Variants in OTUD7A observed in about 807,000 individuals in gnomAD.
OTUD7A encodes the protein OTU deubiquitinase 7A.
OTUD7A carries 12 observed loss-of-function variants against 65.7 expected under a neutral mutation model. That is an observed-to-expected ratio of 0.18 (90% CI 0.12 to 0.30). OTUD7A has a LOEUF of 0.30. OTUD7A is among the 10% of genes least tolerant of loss of function. The pLI is 1.00. For synonymous variants in OTUD7A, 641 were observed against 586.3 expected (o/e 1.09, Z -1.35); for missense variants, 1,148 against 1,304.8 (o/e 0.88, Z 1.85).
Position 31,567,559 on chromosome 15 carries a change from T to C in OTUD7A, c.331+2459A>G, listed in dbSNP as rs565242288. 1.6e-3 allele frequency among the ~76,000 whole-genome samples: 251 copies of C among 152,328 alleles called. 3 individuals carry two copies. Among genetic ancestry groups the C allele is most frequent in the African/African-American group, 5.8e-3 (242 of 41,578 alleles). On this transcript the variant is annotated intron_variant, in intron 4 of 12. Coordinates refer to ENST00000307050, the MANE Select transcript of OTUD7A (RefSeq NM_001382637.1). Reference sequence around the variant, plus strand: ...CTTTTTCAGAAGAATTCAAGCAGCCTGAGGAGCAACTACTTGCTAGAGATA... The same window carrying C: ...CTTTTTCAGAAGAATTCAAGCAGCCCGAGGAGCAACTACTTGCTAGAGATA...
At chr15:31,573,395 G>A (rs1566926480) in intron 3 of OTUD7A, among the ~76,000 whole-genome samples, 1 of 152,202 alleles carries the variant, frequency 6.6e-6, no homozygotes, top group African/African-American at 2.4e-5. Context: ...AGATGAATAA[G>A]AGTCTGGCAA....
intron 1 of OTUD7A, among the ~76,000 whole-genome samples, chr15:31,868,479 G>C (rs1051347467): frequency 6.6e-6 from 1 of 152,196 alleles, no homozygotes; most frequent in Non-Finnish European, 1.5e-5. Flanking sequence ...TACTATTGAG[G>C]ACATGTTGTA....
rs1232537920 is a variant in OTUD7A at position 31,481,740 on chromosome 15, C to T, written c.*1554G>A. 6.6e-6 allele frequency: 1 copy of T among 151,720 alleles called. No individual in the cohort carries two copies. The highest frequency in any genetic ancestry group is 1.5e-5 in the Non-Finnish European group (1 of 67,936). 9.4% of individuals were successfully genotyped at this position (151,720 alleles called of 1,614,324 possible). ...CTCAAACAAGTAAAAAAAATCCCCT[C>T]GCCCCCCCTTTTTTTTTGTTTTTGC... On this transcript the variant is annotated 3_prime_UTR_variant, in exon 13 of 13. Transcript: ENST00000307050.
intron 3 of OTUD7A, among the ~76,000 whole-genome samples, chr15:31,635,548 A>G (rs770440455): frequency 1.4e-4 from 21 of 152,212 alleles, no homozygotes; most frequent in African/African-American, 1.9e-4. Flanking sequence ...TGAGGATGGC[A>G]CCTGGTGCTT....
chr15:31,774,926 A>T, intron 1 of OTUD7A, among the ~76,000 whole-genome samples: 1 of 150,778 alleles, frequency 6.6e-6, no homozygotes, highest in East Asian at 2.0e-4. Context: ...CTCATCAGGC[A>T]AGGACGACCC....
chr15:31,860,974 C>T (rs1048929900), intron 1 of OTUD7A, among the ~76,000 whole-genome samples: 1 of 150,542 alleles, frequency 6.6e-6, no homozygotes, highest in African/African-American at 2.4e-5. Context: ...CTGCCTCAGC[C>T]TCCCAAAGTG....
At chr15:31,532,878 G>A (rs1261248145) in intron 5 of OTUD7A, among the ~76,000 whole-genome samples, 1 of 150,052 alleles carries the variant, frequency 6.7e-6, no homozygotes, top group East Asian at 2.0e-4. Flanking sequence ...AGCTTGTAGG[G>A]AGCCGAAATC....
At chr15:31,590,551 T>C (rs8035863) in intron 3 of OTUD7A, among the ~76,000 whole-genome samples, 48,726 of 152,152 alleles carry the variant, frequency 0.32, 10,026 homozygotes, top group African/African-American at 0.59. Context: ...CAGGCATTAA[T>C]TCATTGTTGA....
chr15:31,774,009 A>G (rs1365237732), intron 1 of OTUD7A, among the ~76,000 whole-genome samples: 1 of 152,242 alleles, frequency 6.6e-6, no homozygotes, highest in Non-Finnish European at 1.5e-5. Context: ...AATGAAGCTA[A>G]TGGCACAGTG....
At chr15:31,693,055 T>C (rs1385635478) in intron 1 of OTUD7A, among the ~76,000 whole-genome samples, 3 of 152,102 alleles carry the variant, frequency 2.0e-5, no homozygotes, top group Non-Finnish European at 4.4e-5. Flanking sequence ...GATCACTCGG[T>C]CTGTCTCTCA....
At chr15:31,544,173 T>C (rs1224493370) in intron 5 of OTUD7A, among the ~76,000 whole-genome samples, 2 of 151,444 alleles carry the variant, frequency 1.3e-5, no homozygotes, top group Non-Finnish European at 3.0e-5. Context: ...AATCAGAAAA[T>C]ATTTTGAAAC....
chr15:31,591,051 G>C (rs1889707527), intron 3 of OTUD7A, among the ~76,000 whole-genome samples: 1 of 152,140 alleles, frequency 6.6e-6, no homozygotes, highest in African/African-American at 2.4e-5. Flanking sequence ...AGAGGAGCCA[G>C]GGGGTCTGCA....
At chr15:31,615,973 T>A (rs938315874) in intron 3 of OTUD7A, among the ~76,000 whole-genome samples, 1 of 152,244 alleles carries the variant, frequency 6.6e-6, no homozygotes, top group Non-Finnish European at 1.5e-5. Flanking sequence ...AAGGCAGTCA[T>A]CAGACAGCTC....
intron 3 of OTUD7A, among the ~76,000 whole-genome samples, chr15:31,616,024 C>T (rs536267418): frequency 3.9e-5 from 6 of 152,362 alleles, no homozygotes; most frequent in African/African-American, 1.2e-4. Context: ...GGCCTTTCTT[C>T]TCCCACCCCC....
At position 31,701,664 on chromosome 15, in the gene OTUD7A, A is replaced by G. The variant is rs1893216902; in HGVS notation, c.-99-44587T>C. On this transcript the variant is annotated intron_variant, in intron 1 of 12. Transcript: ENST00000307050. ...TGGAAAATTAAATTCAGAATTTAAAAGCCTCCTCCAAAGAAATGTCCAGGC... is the reference window on the plus strand; with the variant it reads ...TGGAAAATTAAATTCAGAATTTAAAGGCCTCCTCCAAAGAAATGTCCAGGC... Among the ~76,000 whole-genome samples the G allele has an allele frequency of 2.7e-5, 4 of 150,914 alleles. No individual in the cohort carries two copies. In the South Asian group the frequency reaches 6.3e-4, roughly 24 times the overall value.
chr15:31,807,248 A>G (rs1413962376), intron 1 of OTUD7A, among the ~76,000 whole-genome samples: 1 of 152,134 alleles, frequency 6.6e-6, no homozygotes, highest in Non-Finnish European at 1.5e-5. Context: ...CACATTGGCT[A>G]TGGTTCACAC....
chr15:31,570,408 G>A (rs1889012370), intron 3 of OTUD7A, among the ~76,000 whole-genome samples: 1 of 150,632 alleles, frequency 6.6e-6, no homozygotes, highest in Admixed American at 6.6e-5. Context: ...TCTAAAATAT[G>A]TGACTATATA....
At chr15:31,693,003 A>G (rs1206981104) in intron 1 of OTUD7A, among the ~76,000 whole-genome samples, 1 of 151,806 alleles carries the variant, frequency 6.6e-6, no homozygotes, top group Admixed American at 6.5e-5. Flanking sequence ...AAGCTTCAAG[A>G]GAAGAGTGAG....
intron 3 of OTUD7A, among the ~76,000 whole-genome samples, chr15:31,618,009 A>G (rs1227048576): frequency 2.7e-5 from 4 of 149,386 alleles, no homozygotes; most frequent in African/African-American, 1.0e-4. Context: ...ATTCCCACCT[A>G]TGAGTGAGAA....
Sources: allele counts gnomAD v4.1 joint callset (sites outside exome capture counted in the v4.1 genomes callset), GRCh38; gene constraint gnomAD v4.1.1; transcripts MANE v1.5; gene names NCBI Gene and HGNC (gene_info 2026-07-23, HGNC 2026-07-21).